ATP11A: variants seen among roughly 807,000 people sequenced by gnomAD.
ATP11A encodes phospholipid-transporting ATPase IH.
Under a neutral mutation model 154.4 loss-of-function variants are expected in ATP11A, and 81 were observed. The ratio of observed to expected loss-of-function variants is 0.52; its 90% CI spans 0.44 to 0.63. The LOEUF is 0.63. Among genes scored for constraint, ATP11A ranks in the 30% least tolerant of loss-of-function variants. The pLI is 0.00. For synonymous variants in ATP11A, 623 were observed against 585.9 expected, an observed-to-expected ratio of 1.06 and a Z score of -0.91; for missense variants, 1,316 against 1,474.3, an observed-to-expected ratio of 0.89 and a Z score of 1.76.
At chr13:112,803,311 A>G (rs1232825897) in intron 2 of ATP11A, among the ~76,000 whole-genome samples, 2 of 152,230 alleles carry the variant, frequency 1.3e-5, no homozygotes, top group Non-Finnish European at 2.9e-5. Context: ...TGTTACATTG[A>G]ATTGTAAATA....
In ATP11A at chr13:112,787,233, T is replaced by G. The variant is rs374088266; in HGVS notation, c.162+1976T>G. Among the ~76,000 whole-genome samples the G allele has an allele frequency of 3.6e-3, 309 of 85,298 alleles. 1 individual carries two copies. The highest frequency in any genetic ancestry group is 0.012 in the African/African-American group (161 of 13,230). 56.0% of individuals were successfully genotyped at this position (85,298 alleles called of 152,430 possible). A position where few individuals can be genotyped will look rare whatever the true frequency, so the allele number is the denominator to read the frequency against. On this transcript the variant is annotated intron_variant, in intron 2 of 29. Transcript: ENST00000375645. ...GTCCTGATGTGTAGACCCCTGTGGA[T>G]ACCTACTTAATTCACACCGGGTGTC... is the stretch of plus-strand genomic sequence containing the variant.
intron 18 of ATP11A, 129 bp downstream of exon 18, chr13:112,851,347 G>A (rs952387984): frequency 1.2e-5 from 10 of 845,308 alleles, no homozygotes; most frequent in Non-Finnish European, 1.8e-5. Context: ...TTGCTGCTCA[G>A]GGAGAGGCTA....
At chr13:112,743,467 G>A (rs1193745644) in intron 1 of ATP11A, among the ~76,000 whole-genome samples, 2 of 151,672 alleles carry the variant, frequency 1.3e-5, no homozygotes, top group Non-Finnish European at 2.9e-5. Flanking sequence ...TACAGTGTGT[G>A]ATAACCTGTG....
chr13:112,842,419 C>G (rs772102843), intron 17 of ATP11A, 40 bp downstream of exon 17: 2 of 1,405,546 alleles, frequency 1.4e-6, no homozygotes, highest in Admixed American at 1.9e-5. Flanking sequence ...GCGGTCAGCT[C>G]CCCTGCTGTC....
chr13:112,818,220 G>A (rs1353891274), intron 6 of ATP11A, among the ~76,000 whole-genome samples: 2 of 150,552 alleles, frequency 1.3e-5, no homozygotes, highest in African/African-American at 4.9e-5. Flanking sequence ...CTGTTGGTGC[G>A]CTTGGTGACG....
In ATP11A at chr13:112,697,365, C is replaced by T. The variant is rs145503927; in HGVS notation, c.39+6910C>T. 1.6e-3 allele frequency among the ~76,000 whole-genome samples: 236 copies of T among 152,164 alleles called. 2 individuals are homozygous for T. Among genetic ancestry groups the T allele is most frequent in the African/African-American group, 5.4e-3 (226 of 41,508 alleles). On this transcript the variant is annotated intron_variant, in intron 1 of 29. Coordinates refer to ENST00000375645, the MANE Select transcript of ATP11A (RefSeq NM_015205.3). This position sits in a 1 kb window ranked among gnomAD's most constrained non-coding sequence, Gnocchi z 4.0. ...ACCCGTGTGCCTAGAACGTTCCTGG[C>T]ACAGAAAAGCCACGCAGAAAACAGC...
chr13:112,804,887 A>G (rs1162567350), intron 2 of ATP11A, 70 bp from the exon 3 acceptor site: 50 of 877,378 alleles, frequency 5.7e-5, no homozygotes, highest in Non-Finnish European at 7.6e-5. Flanking sequence ...GCTACTTACT[A>G]TGCCCTAGAG....
In ATP11A at chr13:112,860,662, T is replaced by C. The variant is rs575008448; in HGVS notation, c.2855+248T>C. On this transcript the variant is annotated intron_variant, in intron 24 of 29. Transcript: ENST00000375645. ...ATCTGTGTGGAGCCAGTTTGCACTT[T>C]CCTGTGCTTTCTGACAGTCCTGAGG... 3.7e-5 allele frequency: 15 copies of C among 403,082 alleles called. No homozygotes were observed. In the East Asian group the frequency reaches 5.7e-4, roughly 15 times the overall value. 25.0% of individuals were successfully genotyped at this position (403,082 alleles called of 1,614,324 possible). A position where few individuals can be genotyped will look rare whatever the true frequency, so the allele number is the denominator to read the frequency against.
chr13:112,878,081 G>T (rs543193114), intron 28 of ATP11A, 136 bp from the exon 29 acceptor site: 84 of 800,640 alleles, frequency 1.0e-4, no homozygotes, highest in Admixed American at 2.1e-4. Flanking sequence ...ACGTGGTGGC[G>T]AGCCTCTGAC....
intron 5 of ATP11A, among the ~76,000 whole-genome samples, chr13:112,812,646 G>A (rs753476425): frequency 4.6e-5 from 7 of 152,212 alleles, no homozygotes; most frequent in African/African-American, 1.4e-4. Flanking sequence ...ACCCCCCACC[G>A]CTCACCTTGC....
chr13:112,816,615 G>A (rs987619330), intron 6 of ATP11A, among the ~76,000 whole-genome samples: 7 of 152,094 alleles, frequency 4.6e-5, no homozygotes, highest in South Asian at 2.1e-4. Context: ...ACTCAGTGCG[G>A]CAAAAACTCT....
In ATP11A at chr13:112,829,647, G is replaced by A. The variant is rs942898252; in HGVS notation, c.1222-1728G>A. ...TCCTCTGAGATCAGAAAGAAGACAA[G>A]GCTGCACACATTCACCCCTTCTATT... On this transcript the variant is annotated intron_variant, in intron 12 of 29. Coordinates refer to ENST00000375645, the MANE Select transcript of ATP11A (RefSeq NM_015205.3). Among the ~76,000 whole-genome samples the A allele has an allele frequency of 5.3e-5, 8 of 152,196 alleles. 1 individual carries two copies. The highest frequency in any genetic ancestry group is 1.3e-4 in the Admixed American group (2 of 15,284).
chr13:112,693,026 C>T (rs1009088193), intron 1 of ATP11A, among the ~76,000 whole-genome samples: 3 of 152,170 alleles, frequency 2.0e-5, no homozygotes, highest in Admixed American at 2.0e-4. Context: ...CTTTCCAGCT[C>T]CTTCTGATGT....
chr13:112,870,657 A>G (rs1036949905), intron 25 of ATP11A, among the ~76,000 whole-genome samples: 9 of 152,358 alleles, frequency 5.9e-5, no homozygotes, highest in East Asian at 5.8e-4. Flanking sequence ...GATTACAGGC[A>G]TGAGCCACCA....
chr13:112,798,834 T>G (rs2078064336), intron 2 of ATP11A, among the ~76,000 whole-genome samples: 2 of 152,228 alleles, frequency 1.3e-5, no homozygotes, highest in Non-Finnish European at 2.9e-5. Context: ...ATATTAATAA[T>G]CACTTTAAGT....
At chr13:112,700,545 G>A (rs115867515) in intron 1 of ATP11A, among the ~76,000 whole-genome samples, 1 of 152,228 alleles carries the variant, frequency 6.6e-6, no homozygotes, top group African/African-American at 2.4e-5. Flanking sequence ...GTGGGTGGGC[G>A]CAGGCCTTGA....
At chr13:112,691,263 G>A (rs1885134659) in intron 1 of ATP11A, among the ~76,000 whole-genome samples, 1 of 152,048 alleles carries the variant, frequency 6.6e-6, no homozygotes, top group South Asian at 2.1e-4. Flanking sequence ...AGGAGTTTGA[G>A]ACCAGCCGGA....
intron 1 of ATP11A, among the ~76,000 whole-genome samples, chr13:112,702,328 A>G (rs1002996903): frequency 4.4e-5 from 6 of 136,080 alleles, no homozygotes; most frequent in African/African-American, 1.3e-4. Flanking sequence ...CCTGGGCAAC[A>G]CAGTGAGATT....
At chr13:112,823,119 G>A (rs369272344) in intron 8 of ATP11A, among the ~76,000 whole-genome samples, 4 of 152,222 alleles carry the variant, frequency 2.6e-5, no homozygotes, top group Admixed American at 1.3e-4. Context: ...GGCCCTTGCC[G>A]CTACTCCTGG....
Sources: gnomAD v4.1 joint callset for allele counts (sites outside exome capture counted in the v4.1 genomes callset) on GRCh38, gnomAD v4.1.1 for gene constraint, Gnocchi (gnomAD v3.1) non-coding constraint, MANE v1.5 for transcripts, NCBI Gene and HGNC (gene_info 2026-07-23, HGNC 2026-07-21) for gene names.